MDGA1: variants seen among roughly 807,000 people sequenced by gnomAD.
MDGA1 encodes the protein MAM domain-containing glycosylphosphatidylinositol anchor protein 1.
A neutral mutation model predicts 101.5 loss-of-function variants in MDGA1; 54 were observed. The observed-to-expected ratio is 0.53, with a 90% confidence interval of 0.43 to 0.67. MDGA1 has a LOEUF of 0.67. MDGA1 is among the 30% of genes least tolerant of loss of function. MDGA1 has a pLI of 0.00. For synonymous variants in MDGA1, 533 were observed against 558.3 expected (o/e 0.95, Z 0.64); for missense variants, 1,083 against 1,323.8 (o/e 0.82, Z 2.82).
intron 1 of MDGA1, among the ~76,000 whole-genome samples, chr6:37,693,884 C>A (rs1762363799): frequency 6.6e-6 from 1 of 152,222 alleles, no homozygotes; most frequent in African/African-American, 2.4e-5. Context: ...AGCCACCTGG[C>A]CAAACTGAGA....
At chr6:37,667,723 T>C (rs567279039) in intron 1 of MDGA1, among the ~76,000 whole-genome samples, 1 of 152,322 alleles carries the variant, frequency 6.6e-6, no homozygotes, top group South Asian at 2.1e-4. Context: ...TAAGCTGTAA[T>C]CTTGGACACT....
At chr6:37,659,712 C>T (rs139236497) in intron 2 of MDGA1, among the ~76,000 whole-genome samples, 2 of 152,250 alleles carry the variant, frequency 1.3e-5, no homozygotes, top group East Asian at 3.9e-4. Context: ...CTTTCTCATG[C>T]AGGGAGGGAC....
In MDGA1 at chr6:37,654,326, G is replaced by A; in HGVS notation, c.930C>T (p.Ala310=). The change falls in exon 6 of 17, where the codon GCC becomes GCT. Residue 310 remains alanine, a synonymous_variant. Transcript: ENST00000434837. ...TGGCAGGGTTGCCCACATTGTTGGT[G>A]GCTGTGCAGTTGTAGTAGCCAGAGT... The part of the protein sequence containing the change: ...ARDSGYYNCT[A]TNNVGNPAKK... 1 of 1,597,942 alleles carries A rather than the reference G, an allele frequency of 6.3e-7. No homozygotes were observed. The highest frequency in any genetic ancestry group is 8.5e-7 in the Non-Finnish European group (1 of 1,171,178).
At chr6:37,668,213 T>C (rs947524910) in intron 1 of MDGA1, among the ~76,000 whole-genome samples, 1 of 150,326 alleles carries the variant, frequency 6.7e-6, no homozygotes, top group Non-Finnish European at 1.5e-5. Flanking sequence ...ATCATGCCAC[T>C]GCATTCCAGC....
Position 37,650,115 on chromosome 6 carries a change from C to T in MDGA1, c.1603G>A (p.Val535Met). 1 of 1,607,664 alleles carries T rather than the reference C, an allele frequency of 6.2e-7. No individual in the cohort carries two copies. The highest frequency in any genetic ancestry group is 8.5e-7 in the Non-Finnish European group (1 of 1,175,148). ...RPREAQVQLN[V>M]QFPPEVEPSS... ...GGTGGCGTGGTGGACTCACACTGCA[C>T]GTTCAGCTGCACCTGGGCCTCACGG... The change falls in exon 8 of 17, where the codon GTG becomes ATG. Residue 535 changes from valine to methionine, a missense_variant. By Grantham distance (21) the Val-to-Met change is conservative (BLOSUM62 1). Coordinates refer to ENST00000434837, the MANE Select transcript of MDGA1 (RefSeq NM_153487.4).
At chr6:37,677,845 C>A (rs576478992) in intron 1 of MDGA1, among the ~76,000 whole-genome samples, 1 of 152,192 alleles carries the variant, frequency 6.6e-6, no homozygotes, top group Non-Finnish European at 1.5e-5. Flanking sequence ...CAGACTCTGA[C>A]CCCCTCCGAC....
At chr6:37,672,856 C>T (rs1010083759) in intron 1 of MDGA1, among the ~76,000 whole-genome samples, 13 of 152,050 alleles carry the variant, frequency 8.5e-5, no homozygotes, top group African/African-American at 2.2e-4. Context: ...TGAATAAGAA[C>T]GATGCTTATA....
rs1480570259 is a variant in MDGA1 at position 37,649,117 on chromosome 6, C to A, written c.1759G>T (p.Val587Phe). Residue 587 changes from valine to phenylalanine, a missense_variant, in exon 9 of 17, where the codon GTT becomes TTT. Physicochemically the swap from Val to Phe is conservative, Grantham distance 50. Around this residue, in one of 3 missense-constraint regions of MDGA1, gnomAD observed 657 missense variants for 771.4 expected, o/e 0.85. Transcript: ENST00000434837. ...GGCGCCTCGGCGGCGGCGGGAACAA[C>A]AGGCGGCGGCGGCAGCAGCTGCCCT... ...FKGQLLPPPP[V>F]VPAAAEAPDH... is the part of the protein sequence containing the mutation. 2.2e-5 allele frequency: 33 copies of A among 1,517,400 alleles called. No individual in the cohort carries two copies. The highest frequency in any genetic ancestry group is 2.6e-5 in the Non-Finnish European group (30 of 1,136,330). 94.0% of individuals were successfully genotyped at this position (1,517,400 alleles called of 1,614,324 possible). A position where few individuals can be genotyped will look rare whatever the true frequency, so the allele number is the denominator to read the frequency against.
intron 1 of MDGA1, among the ~76,000 whole-genome samples, chr6:37,682,302 T>G (rs1034815724): frequency 6.6e-6 from 1 of 152,110 alleles, no homozygotes; most frequent in African/African-American, 2.4e-5. Flanking sequence ...CTGGCCAACA[T>G]AGCGAAACCC....
chr6:37,638,386 C>G lies in MDGA1; in HGVS notation c.2668-73G>C. The stretch of plus-strand genomic sequence containing the variant: ...TGGGTACCAGAGTGCTCCCTCGACC[C>G]CACCTTTCCCCTTAATCTACCTGGA... On this transcript the variant is annotated intron_variant, in intron 15 of 16. Coordinates refer to ENST00000434837, the MANE Select transcript of MDGA1 (RefSeq NM_153487.4). The surrounding 1 kb of genome is among the most constrained non-coding windows in gnomAD (Gnocchi z 4.8). 2.7e-6 allele frequency: 4 copies of G among 1,502,636 alleles called. No individual in the cohort carries two copies. In the South Asian group the frequency reaches 4.9e-5, roughly 18 times the overall value. The allele number at this position is 1,502,636 out of a possible 1,614,324, so 93.1% of individuals were successfully genotyped here.
In MDGA1 at chr6:37,646,186, A is replaced by G. The variant is rs536655447; in HGVS notation, c.2224+12T>C. The G allele has an allele frequency of 1.9e-5, 30 of 1,567,216 alleles. No individual in the cohort carries two copies. In the South Asian group the frequency reaches 3.0e-4, roughly 16 times the overall value. On this transcript the variant is annotated intron_variant, in intron 11 of 16. Coordinates refer to ENST00000434837, the MANE Select transcript of MDGA1 (RefSeq NM_153487.4). ...TGGGCCCATCCTTCCTACCGCCACC[A>G]CTGTCACCTACGCTCTGTGTAGTGG...
Position 37,654,525 on chromosome 6 carries a change from A to G in MDGA1, c.731T>C (p.Leu244Pro). 6.2e-7 allele frequency: 1 copy of G among 1,614,010 alleles called. No individual in the cohort carries two copies. Among genetic ancestry groups the G allele is most frequent in the Non-Finnish European group, 8.5e-7 (1 of 1,179,892 alleles). ...TNTTAPPALK[L>P]SVNETLVVNP... Reference sequence around the variant, plus strand: ...CACCACCAGAGTTTCGTTCACAGACAGCTTCAGGGCTGGTGGTGCTAAGAG... The same window carrying G: ...CACCACCAGAGTTTCGTTCACAGACGGCTTCAGGGCTGGTGGTGCTAAGAG... The change falls in exon 6 of 17, where the codon CTG becomes CCG. Residue 244 changes from leucine (L) to proline (P), a missense_variant. Coordinates refer to ENST00000434837, the MANE Select transcript of MDGA1 (RefSeq NM_153487.4).
intron 1 of MDGA1, among the ~76,000 whole-genome samples, chr6:37,672,054 T>A (rs1761880999): frequency 6.6e-6 from 1 of 151,646 alleles, no homozygotes; most frequent in Non-Finnish European, 1.5e-5. Flanking sequence ...GGTGGGAGAA[T>A]GGCTTGAGCT....
In MDGA1 at chr6:37,675,930, A is replaced by G. The variant is rs115554964; in HGVS notation, c.68-11824T>C. On this transcript the variant is annotated intron_variant, in intron 1 of 16. Transcript: ENST00000434837. ...TACCTATTGAACCAAGCCCACGGAA[A>G]CAGTAATTTCTGGGTGACTTGAGGC... 8.9e-3 allele frequency among the ~76,000 whole-genome samples: 1,349 copies of G among 152,314 alleles called. 26 individuals carry two copies. Among genetic ancestry groups the G allele is most frequent in the African/African-American group, 0.031 (1,295 of 41,558 alleles).
chr6:37,681,244 T>C (rs17639655), intron 1 of MDGA1, among the ~76,000 whole-genome samples: 15,737 of 152,220 alleles, frequency 0.1, 1,132 homozygotes, highest in Middle Eastern at 0.23. Flanking sequence ...GGACTGCTAA[T>C]AGACTCAGGA....
At position 37,655,482 on chromosome 6, in the gene MDGA1, A is replaced by G. The variant is rs1158565366; in HGVS notation, c.579+218T>C. 8 of 498,508 alleles carry G rather than the reference A, an allele frequency of 1.6e-5. No individual in the cohort carries two copies. Among genetic ancestry groups the G allele is most frequent in the Non-Finnish European group, 2.8e-5 (8 of 283,752 alleles). 30.9% of individuals were successfully genotyped at this position (498,508 alleles called of 1,614,324 possible). A position where few individuals can be genotyped will look rare whatever the true frequency, so the allele number is the denominator to read the frequency against. On this transcript the variant is annotated intron_variant, in intron 4 of 16. Transcript: ENST00000434837. This position sits in a 1 kb window ranked among gnomAD's most constrained non-coding sequence, Gnocchi z 5.1. ...CTAACTAGCAATGTTCCTGGAGGAC[A>G]TGTTGCCTCGGGGACACTCCTGCCC...
chr6:37,647,593 G>A (rs761921980), intron 9 of MDGA1, among the ~76,000 whole-genome samples: 2 of 151,332 alleles, frequency 1.3e-5, no homozygotes, highest in Non-Finnish European at 2.9e-5. Flanking sequence ...AAGGCAGGCC[G>A]AGAAAAAAAC....
At chr6:37,694,960 C>A (rs1762387213) in intron 1 of MDGA1, among the ~76,000 whole-genome samples, 1 of 152,046 alleles carries the variant, frequency 6.6e-6, no homozygotes, top group Admixed American at 6.5e-5. Context: ...TGAGGGTCCA[C>A]AGAGACCACT....
In MDGA1 at chr6:37,655,901, A is replaced by G; in HGVS notation, c.383-5T>C. 1 of 1,609,856 alleles carries G rather than the reference A, an allele frequency of 6.2e-7. No homozygotes were observed. Among genetic ancestry groups the G allele is most frequent in the East Asian group, 2.2e-5 (1 of 44,836 alleles). ...TCAGCATTGGCTCATCCAGGTCTGCAAGGGCACAGCCCCCATGGAGTCAGG... is the reference window on the plus strand; with the variant it reads ...TCAGCATTGGCTCATCCAGGTCTGCGAGGGCACAGCCCCCATGGAGTCAGG... On this transcript the variant is annotated splice_polypyrimidine_tract_variant and splice_region_variant and intron_variant, in intron 3 of 16. Transcript: ENST00000434837. The surrounding 1 kb of genome is among the most constrained non-coding windows in gnomAD (Gnocchi z 5.1).
Sources: gnomAD v4.1 joint callset for allele counts (sites outside exome capture counted in the v4.1 genomes callset) on GRCh38, gnomAD v4.1.1 for gene constraint, gnomAD v4.1.1 regional missense constraint, Gnocchi (gnomAD v3.1) non-coding constraint, MANE v1.5 for transcripts, NCBI Gene and HGNC (gene_info 2026-07-23, HGNC 2026-07-21) for gene names.